The following LAMA5 variants were observed in gnomAD, a reference collection of about 807,000 sequenced individuals.
The protein encoded by LAMA5 is laminin subunit alpha-5.
A neutral mutation model predicts 433.4 loss-of-function variants in LAMA5; 260 were observed. The observed-to-expected ratio is 0.60, with a 90% CI of 0.54 to 0.66. The LOEUF (loss-of-function observed/expected upper bound fraction) is 0.66, where lower values mean the gene tolerates loss of function less well. LAMA5 is among the 30% of genes least tolerant of loss of function. The pLI is 0.00. For synonymous variants in LAMA5, 2,620 were observed against 2,226.6 expected (o/e 1.18, Z -4.97); for missense variants, 5,378 against 5,258.5 (o/e 1.02, Z -0.70).
At chr20:62,314,216 T>C in intron 62 of LAMA5, 88 bp downstream of exon 62, 3 of 1,471,260 alleles carry the variant, frequency 2.0e-6, no homozygotes, top group Non-Finnish European at 2.8e-6. Context: ...AGGTGAAGGG[T>C]GGTGGGTGCA....
chr20:62,323,212 C>T (rs368749047), intron 45 of LAMA5, among the ~76,000 whole-genome samples: 2 of 90,622 alleles, frequency 2.2e-5, no homozygotes, highest in Admixed American at 1.1e-4. Flanking sequence ...GTGTGATGGT[C>T]CGGGGGAGGC....
At chr20:62,322,530 C>A in intron 46 of LAMA5, 81 bp from the exon 47 acceptor site, 1 of 1,469,134 alleles carries the variant, frequency 6.8e-7, no homozygotes, top group Non-Finnish European at 9.2e-7. Context: ...TCCTGCCCAT[C>A]TGGCCCCACC....
At chr20:62,322,799 C>A (rs955919326) in intron 45 of LAMA5, 41 bp from the exon 46 acceptor site, 2 of 1,293,450 alleles carry the variant, frequency 1.5e-6, no homozygotes, top group African/African-American at 1.5e-5. Flanking sequence ...GGCCCTCTCA[C>A]CCCCCCAGGG....
At chr20:62,315,811 G>C (rs1324906666) in intron 58 of LAMA5, 137 bp downstream of exon 58, 2 of 668,296 alleles carry the variant, frequency 3.0e-6, no homozygotes, top group Non-Finnish European at 5.1e-6. Flanking sequence ...TAGGCTTTCT[G>C]TGTCTGGCCC....
intron 9 of LAMA5, 22 bp from the exon 10 acceptor site, chr20:62,346,237 G>A: frequency 1.2e-6 from 2 of 1,604,792 alleles, no homozygotes; most frequent in Non-Finnish European, 1.7e-6. Flanking sequence ...CAGGAGCCGG[G>A]TAAGCCTGGA....
In LAMA5 at chr20:62,314,762, T is replaced by A. The variant is rs113656571; in HGVS notation, c.8196+37A>T. ...GGTCCATCAGCGTCCACCACCACCC[T>A]CCCTGATGTCCACCTTCCCCTGGGA... On this transcript the variant is annotated intron_variant, in intron 60 of 79. Transcript: ENST00000252999. 860 of 1,612,596 alleles carry A rather than the reference T, an allele frequency of 5.3e-4. 6 individuals carry two copies. The African/African-American group carries it at 0.01, about 19-fold the overall frequency.
Position 62,317,374 on chromosome 20 carries a change from C to T in LAMA5, c.7482G>A (p.Gln2494=). The change falls in exon 55 of 80, where the codon CAG becomes CAA. Residue 2494 remains glutamine, a synonymous_variant. Transcript: ENST00000252999. ...LVEAAEAHAQ[Q]LGQLALNLSS... is the part of the protein sequence containing the mutation. ...ACAGATTGAGTGCCAGCTGGCCCAG[C>T]TGCTGTGCGTGGGCCTCGGCGGCCT... The T allele has an allele frequency of 6.2e-7, 1 of 1,609,484 alleles. No homozygotes were observed. The highest frequency in any genetic ancestry group is 1.7e-5 in the Admixed American group (1 of 59,790).
In LAMA5 at chr20:62,314,888, G is replaced by A. The variant is rs776281626; in HGVS notation, c.8107C>T (p.Arg2703Cys). The A allele has an allele frequency of 2.0e-5, 33 of 1,611,242 alleles. No homozygotes were observed. Among genetic ancestry groups the A allele is most frequent in the Non-Finnish European group, 2.5e-5 (29 of 1,179,724 alleles). ...LLAKLSILEN[R>C]GVHNASLALS... ...GCCAGGCTGGCGTTGTGCACCCCAC[G>A]GTTCTCCAGGATGCTCAGCTTGGCC... is the stretch of plus-strand genomic sequence containing the variant. The change falls in exon 60 of 80, where the codon CGT becomes TGT. Residue 2703 changes from arginine to cysteine, a missense_variant. Physicochemically the swap from Arg to Cys is radical, Grantham distance 180. Transcript: ENST00000252999.
Position 62,332,723 on chromosome 20 carries a change from G to C in LAMA5, c.3283-6C>G. 1 of 1,609,742 alleles carries C rather than the reference G, an allele frequency of 6.2e-7. No homozygotes were observed. Among genetic ancestry groups the C allele is most frequent in the African/African-American group, 1.3e-5 (1 of 74,900 alleles). On this transcript the variant is annotated splice_polypyrimidine_tract_variant and splice_region_variant and intron_variant, in intron 26 of 79. Transcript: ENST00000252999. ...ACTTGAAGCTGGACGTCCACCTGCAGGGAAGGCAGGGTGACGGGAGGCCCG... is the reference window on the plus strand; with the variant it reads ...ACTTGAAGCTGGACGTCCACCTGCACGGAAGGCAGGGTGACGGGAGGCCCG...
rs371953116 is a variant in LAMA5 at position 62,352,077 on chromosome 20, G to T, written c.690C>A (p.Ile230=). 16 of 1,611,346 alleles carry T rather than the reference G, an allele frequency of 9.9e-6. No individual in the cohort carries two copies. Among genetic ancestry groups the T allele is most frequent in the Non-Finnish European group, 1.4e-5 (16 of 1,179,772 alleles). ...GACGTCCGTTCACCAGGGACACCAC[G>T]ATCTGTGGGCAGTATGCGGTGACGC... is the stretch of plus-strand genomic sequence containing the variant. The part of the protein sequence containing the change: ...SRIVPLENGE[I]VVSLVNGRPG... Residue 230 remains isoleucine (I), a splice_region_variant and synonymous_variant, in exon 5 of 80, where the codon ATC becomes ATA. Transcript: ENST00000252999.
chr20:62,340,305 G>GTTTTTTT (rs34415039), intron 11 of LAMA5, among the ~76,000 whole-genome samples: 6 of 99,464 alleles, frequency 6.0e-5, no homozygotes, highest in East Asian at 3.4e-4. Context: ...AGCCTCCTTT[G>GTTTTTTT]TTTTTTTTTT....
Position 62,310,581 on chromosome 20 carries a change from G to A in LAMA5, c.10447-9C>T, listed in dbSNP as rs749334106. 3 of 1,561,812 alleles carry A rather than the reference G, an allele frequency of 1.9e-6. No individual in the cohort carries two copies. The highest frequency in any genetic ancestry group is 2.6e-6 in the Non-Finnish European group (3 of 1,158,510). ...CTGAACCCGACGGTCACCTATAGGA[G>A]CAGACCGGGCAGGGATCAGGGCCCA... On this transcript the variant is annotated splice_polypyrimidine_tract_variant and intron_variant, in intron 75 of 79. Coordinates refer to ENST00000252999, the MANE Select transcript of LAMA5 (RefSeq NM_005560.6).
chr20:62,311,860 G>C, intron 70 of LAMA5, 60 bp downstream of exon 70: 1 of 1,562,198 alleles, frequency 6.4e-7, no homozygotes, highest in South Asian at 1.2e-5. Context: ...AGAGGTCCAG[G>C]CAAGTGCAGG....
chr20:62,364,183 C>A (rs187235571), intron 1 of LAMA5, among the ~76,000 whole-genome samples: 7 of 152,338 alleles, frequency 4.6e-5, no homozygotes, highest in Non-Finnish European at 7.3e-5. Context: ...GGCCGCACTG[C>A]AAGCTTTGAT....
intron 28 of LAMA5, 131 bp downstream of exon 28, chr20:62,332,241 C>G (rs2146197245): frequency 1.5e-6 from 1 of 658,540 alleles, no homozygotes; most frequent in South Asian, 1.8e-5. Flanking sequence ...AAGAAACATG[C>G]TGGGCTGGGC....
At chr20:62,330,662 G>GC in intron 30 of LAMA5, 48 bp from the exon 31 acceptor site, 1 of 1,562,710 alleles carries the variant, frequency 6.4e-7, no homozygotes, top group Non-Finnish European at 8.7e-7. Context: ...AGCCCCTGCT[G>GC]CCCCCTGGAC....
At chr20:62,366,559 T>C (rs1454631853) in intron 1 of LAMA5, among the ~76,000 whole-genome samples, 2 of 152,180 alleles carry the variant, frequency 1.3e-5, no homozygotes, top group South Asian at 2.1e-4. Context: ...GGTTCCAGCC[T>C]GTCCCGGGTA....
At chr20:62,313,973 C>G (rs1306885670) in intron 62 of LAMA5, among the ~76,000 whole-genome samples, 171 bp from the exon 63 acceptor site, 4 of 1,876 alleles carry the variant, frequency 2.1e-3, no homozygotes, top group Admixed American at 0.01. Flanking sequence ...CGAGTGGGCA[C>G]AGAGACGGGT....
At chr20:62,322,487 A>T in intron 46 of LAMA5, 38 bp from the exon 47 acceptor site, 1 of 1,546,364 alleles carries the variant, frequency 6.5e-7, no homozygotes, top group South Asian at 1.2e-5. Context: ...CCCAGCCCTC[A>T]AGACTGTCCC....
Sources: gnomAD v4.1 joint callset for allele counts (sites outside exome capture counted in the v4.1 genomes callset) on GRCh38, gnomAD v4.1.1 for gene constraint, MANE v1.5 for transcripts, NCBI Gene and HGNC (gene_info 2026-07-23, HGNC 2026-07-21) for gene names.